ADAM10: variants seen among roughly 807,000 people sequenced by gnomAD.
The protein encoded by ADAM10 is disintegrin and metalloproteinase domain-containing protein 10.
A neutral mutation model predicts 90.1 loss-of-function variants in ADAM10; 17 were observed. The observed-to-expected ratio is 0.19, with a 90% CI of 0.13 to 0.28. The LOEUF is 0.28. ADAM10 is among the 10% of genes least tolerant of loss of function. The probability of loss-of-function intolerance (pLI) is 1.00; values close to 1 mark genes in which losing one functional copy is unlikely to be tolerated. For missense variants in ADAM10, 610 were observed against 914.3 expected, an observed-to-expected ratio of 0.67 and a Z score of 4.29; for synonymous variants, 310 against 298.6, an observed-to-expected ratio of 1.04 and a Z score of -0.40.
At chr15:58,713,731 A>G (rs1188624087) in intron 2 of ADAM10, among the ~76,000 whole-genome samples, 6 of 152,148 alleles carry the variant, frequency 3.9e-5, no homozygotes, top group Non-Finnish European at 8.8e-5. Flanking sequence ...CTTAACGACT[A>G]TGGCACTGAC....
intron 2 of ADAM10, among the ~76,000 whole-genome samples, chr15:58,702,657 T>A (rs916608332): frequency 1.3e-5 from 2 of 152,236 alleles, no homozygotes; most frequent in African/African-American, 4.8e-5. Context: ...ACATTCCCAG[T>A]ATTGATTTAA....
intron 1 of ADAM10, among the ~76,000 whole-genome samples, chr15:58,727,395 T>G (rs1287537709): frequency 6.6e-6 from 1 of 152,130 alleles, no homozygotes; most frequent in Non-Finnish European, 1.5e-5. Flanking sequence ...TTTGCCATGT[T>G]GGCCAGGTTG....
chr15:58,611,157 T>G (rs1485832743), intron 12 of ADAM10, 50 bp from the exon 13 acceptor site: 1 of 1,346,498 alleles, frequency 7.4e-7, no homozygotes, highest in African/African-American at 1.4e-5. Context: ...CAGTCAAACC[T>G]ATTTTTTATA....
intron 4 of ADAM10, chr15:58,672,376 A>G (rs187364731): frequency 1.3e-5 from 2 of 155,512 alleles, no homozygotes; most frequent in Admixed American, 1.3e-4. Context: ...CAGGAGGAGA[A>G]CAAGAAGCAG....
At chr15:58,637,890 A>C (rs1896308473) in intron 8 of ADAM10, among the ~76,000 whole-genome samples, 1 of 152,160 alleles carries the variant, frequency 6.6e-6, no homozygotes, top group Non-Finnish European at 1.5e-5. Flanking sequence ...CCTACACCTC[A>C]TAAGGGTATT....
At chr15:58,645,790 A>G (rs1331913291) in intron 6 of ADAM10, among the ~76,000 whole-genome samples, 4 of 152,186 alleles carry the variant, frequency 2.6e-5, no homozygotes, top group Non-Finnish European at 5.9e-5. Flanking sequence ...ACCACAAATG[A>G]AAATTCAACT....
chr15:58,668,656 C>T (rs751743960), intron 4 of ADAM10, among the ~76,000 whole-genome samples: 18 of 152,050 alleles, frequency 1.2e-4, no homozygotes, highest in Non-Finnish European at 1.9e-4. Context: ...ATGCACTACC[C>T]CAGGGCTTTG....
intron 2 of ADAM10, chr15:58,707,392 AAAAC>A (rs1321962943): frequency 6.6e-6 from 1 of 152,516 alleles, no homozygotes; most frequent in African/African-American, 2.4e-5. Context: ...TAAAAAAAAA[AAAAC>A]AAGAACAAGA....
At position 58,728,138 on chromosome 15, in the gene ADAM10, G is replaced by A. The variant is rs568471859; in HGVS notation, c.56-10411C>T. ...CAAATTTTAAAAGACTAAAATCTAA[G>A]AGTATGTTTTCTGACTACAGGAGAA... On this transcript the variant is annotated intron_variant, in intron 1 of 15. Coordinates refer to ENST00000260408, the MANE Select transcript of ADAM10 (RefSeq NM_001110.4). 2.0e-5 allele frequency among the ~76,000 whole-genome samples: 3 copies of A among 152,290 alleles called. No homozygotes were observed. The East Asian group carries it at 5.8e-4, about 29-fold the overall frequency.
chr15:58,639,876 G>A (rs1437751976), intron 8 of ADAM10, among the ~76,000 whole-genome samples: 2 of 149,876 alleles, frequency 1.3e-5, no homozygotes, highest in African/African-American at 4.9e-5. Context: ...TCTTACTCTG[G>A]ATAAAGCAGA....
chr15:58,688,384 C>G (rs931005602), intron 2 of ADAM10, among the ~76,000 whole-genome samples: 2 of 150,732 alleles, frequency 1.3e-5, no homozygotes, highest in African/African-American at 4.9e-5. Flanking sequence ...AAACAAACAA[C>G]GACAAAAAGA....
rs568764049 is a variant in ADAM10 at position 58,678,159 on chromosome 15, G to C, written c.484+965C>G. ...CATTAATGAGCTTATGATTTAACAAGTAGCTAAAAATCATAAATGCATCCT... is the reference window on the plus strand; with the variant it reads ...CATTAATGAGCTTATGATTTAACAACTAGCTAAAAATCATAAATGCATCCT... On this transcript the variant is annotated intron_variant, in intron 4 of 15. Transcript: ENST00000260408. Among the ~76,000 whole-genome samples the C allele has an allele frequency of 2.0e-5, 3 of 152,260 alleles. No individual in the cohort carries two copies. In the South Asian group the frequency reaches 6.2e-4, roughly 32 times the overall value.
chr15:58,655,711 G>GTGTGTATATATATATATATATATA (rs1212041296), intron 5 of ADAM10, among the ~76,000 whole-genome samples: 4 of 53,710 alleles, frequency 7.4e-5, no homozygotes, highest in East Asian at 5.8e-4. Context: ...TATATATATA[G>GTGTGTATATATATATATATATATA]TATATATATA....
At chr15:58,710,851 G>C (rs1185219567) in intron 2 of ADAM10, among the ~76,000 whole-genome samples, 2 of 152,116 alleles carry the variant, frequency 1.3e-5, no homozygotes, top group African/African-American at 4.8e-5. Flanking sequence ...CTCAAAGTCT[G>C]CTGGTTTGTC....
intron 3 of ADAM10, 29 bp downstream of exon 3, chr15:58,682,167 G>C (rs1460935151): frequency 1.2e-6 from 2 of 1,603,802 alleles, no homozygotes; most frequent in African/African-American, 2.7e-5. Context: ...AAAAATGGAA[G>C]AAAAGGGTTC....
chr15:58,744,204 G>A (rs1899712316), intron 1 of ADAM10, among the ~76,000 whole-genome samples: 1 of 149,046 alleles, frequency 6.7e-6, no homozygotes, highest in African/African-American at 2.5e-5. Flanking sequence ...CAACCTCAAT[G>A]CTAAACTCTA....
At chr15:58,686,284 A>T in intron 2 of ADAM10, 1 of 588,494 alleles carries the variant, frequency 1.7e-6, no homozygotes, top group South Asian at 2.1e-5. Flanking sequence ...TTGTCATTTA[A>T]TAGAGAACCC....
chr15:58,618,045 C>G (rs1895670728), intron 11 of ADAM10, among the ~76,000 whole-genome samples: 1 of 152,010 alleles, frequency 6.6e-6, no homozygotes, highest in Non-Finnish European at 1.5e-5. Context: ...GAAAACAATC[C>G]TATAAGTCAT....
At chr15:58,642,476 AC>A (rs1243672086) in intron 7 of ADAM10, among the ~76,000 whole-genome samples, 1 of 152,110 alleles carries the variant, frequency 6.6e-6, no homozygotes, top group African/African-American at 2.4e-5. Context: ...AAAAAAAAAA[AC>A]AAATTGCATT....
Sources: allele counts gnomAD v4.1 joint callset (sites outside exome capture counted in the v4.1 genomes callset), GRCh38; gene constraint gnomAD v4.1.1; transcripts MANE v1.5; gene names NCBI Gene and HGNC (gene_info 2026-07-23, HGNC 2026-07-21).